LMAN2L: variants seen among roughly 807,000 people sequenced by gnomAD.
LMAN2L encodes the protein lectin, mannose binding 2 like.
LMAN2L carries 30 observed loss-of-function variants against 44.3 expected under a neutral mutation model. The ratio of observed to expected loss-of-function variants is 0.68; its 90% CI spans 0.51 to 0.92. The LOEUF (loss-of-function observed/expected upper bound fraction) is 0.92, where lower values mean the gene tolerates loss of function less well. Among genes scored for constraint, LMAN2L ranks in the 40% least tolerant of loss-of-function variants. The pLI is 0.00. For synonymous variants in LMAN2L, 183 were observed against 171.1 expected, an observed-to-expected ratio of 1.07 and a Z score of -0.54; for missense variants, 429 against 446.1, an observed-to-expected ratio of 0.96 and a Z score of 0.35.
rs1340627581 is a variant in LMAN2L at position 96,707,636 on chromosome 2, C to T, written c.904+78G>A. 10 of 1,525,046 alleles carry T rather than the reference C, an allele frequency of 6.6e-6. No homozygotes were observed. In the African/African-American group the frequency reaches 9.7e-5, roughly 15 times the overall value. 94.5% of individuals were successfully genotyped at this position (1,525,046 alleles called of 1,614,324 possible). A position where few individuals can be genotyped will look rare whatever the true frequency, so the allele number is the denominator to read the frequency against. On this transcript the variant is annotated intron_variant, in intron 7 of 7. Coordinates refer to ENST00000264963, the MANE Select transcript of LMAN2L (RefSeq NM_030805.4). The stretch of plus-strand genomic sequence containing the variant: ...CAGAAGAAGAACACAGAGCAGAGAC[C>T]GCCCTGTGAGCTATGGGTACAGCAC...
intron 4 of LMAN2L, among the ~76,000 whole-genome samples, chr2:96,712,918 C>T (rs767134766): frequency 6.6e-6 from 1 of 152,216 alleles, no homozygotes; most frequent in Non-Finnish European, 1.5e-5. Flanking sequence ...GAAGGGGTAA[C>T]ATGAGGCATG....
Position 96,722,029 on chromosome 2 carries a change from G to A in LMAN2L, c.508-10004C>T, listed in dbSNP as rs184362175. ...GTTGCCCAGGCTGGAATCCAGTGGC[G>A]CGATCTTGGCTCACTGCAAGCTCCG... On this transcript the variant is annotated intron_variant, in intron 4 of 7. Coordinates refer to ENST00000264963, the MANE Select transcript of LMAN2L (RefSeq NM_030805.4). 3.9e-3 allele frequency among the ~76,000 whole-genome samples: 597 copies of A among 151,794 alleles called. 4 individuals carry two copies. The highest frequency in any genetic ancestry group is 7.4e-3 in the Non-Finnish European group (506 of 67,926).
intron 2 of LMAN2L, among the ~76,000 whole-genome samples, chr2:96,735,995 G>T (rs2078507407): frequency 6.6e-6 from 1 of 152,160 alleles, no homozygotes; most frequent in African/African-American, 2.4e-5. Context: ...CTAGGCGACA[G>T]AGTGATGAGA....
chr2:96,734,255 C>A (rs2078466035), intron 3 of LMAN2L, among the ~76,000 whole-genome samples, 154 bp downstream of exon 3: 1 of 152,152 alleles, frequency 6.6e-6, no homozygotes, highest in Non-Finnish European at 1.5e-5. Flanking sequence ...AGGACTCAGA[C>A]CCGTTCTAGA....
chr2:96,730,703 C>T (rs889590703), intron 4 of LMAN2L, among the ~76,000 whole-genome samples: 2 of 151,976 alleles, frequency 1.3e-5, no homozygotes, highest in African/African-American at 4.8e-5. Context: ...GATGGAGTTT[C>T]ACTCTGTCGC....
chr2:96,739,765 C>G (rs989168403), intron 1 of LMAN2L, 89 bp downstream of exon 1: 94 of 1,372,482 alleles, frequency 6.8e-5, no homozygotes, highest in Middle Eastern at 2.2e-4. Context: ...CTCCGGGCCA[C>G]GAAGCCCTTC....
In LMAN2L at chr2:96,740,031, T is replaced by C. The variant is rs775800036; in HGVS notation, c.10A>G (p.Thr4Ala). 83 of 1,604,668 alleles carry C rather than the reference T, an allele frequency of 5.2e-5. No individual in the cohort carries two copies. Among genetic ancestry groups the C allele is most frequent in the Non-Finnish European group, 6.1e-5 (72 of 1,175,812 alleles). Residue 4 changes from threonine to alanine, a missense_variant, in exon 1 of 8, where the codon ACT (threonine) becomes GCT (alanine). Coordinates refer to ENST00000264963, the MANE Select transcript of LMAN2L (RefSeq NM_030805.4). Reference sequence around the variant, plus strand: ...TGCCACGACCCAAGGGGTCCCAGAGTCGCCGCCATCTTTCCCACCAACGAC... The same window carrying C: ...TGCCACGACCCAAGGGGTCCCAGAGCCGCCGCCATCTTTCCCACCAACGAC... MAA[T>A]LGPLGSWQQW...
Position 96,707,493 on chromosome 2 carries a change from C to T in LMAN2L, c.905-95G>A, listed in dbSNP as rs951629178. 2.1e-6 allele frequency: 3 copies of T among 1,410,670 alleles called. No homozygotes were observed. The African/African-American group carries it at 4.3e-5, about 20-fold the overall frequency. 87.4% of individuals were successfully genotyped at this position (1,410,670 alleles called of 1,614,324 possible). ...GCTGTCCGGCCCCCAGTTTCTGACACCTACTTCTGGGAAGCCAGAGCTTAG... is the reference window on the plus strand; with the variant it reads ...GCTGTCCGGCCCCCAGTTTCTGACATCTACTTCTGGGAAGCCAGAGCTTAG... On this transcript the variant is annotated intron_variant, in intron 7 of 7. Transcript: ENST00000264963.
At chr2:96,721,060 C>T (rs1273888723) in intron 4 of LMAN2L, among the ~76,000 whole-genome samples, 4 of 152,094 alleles carry the variant, frequency 2.6e-5, no homozygotes, top group African/African-American at 7.2e-5. Flanking sequence ...ATGATTACCA[C>T]AACCAATTTT....
intron 3 of LMAN2L, 97 bp from the exon 4 acceptor site, chr2:96,733,698 T>A: frequency 1.0e-6 from 1 of 959,872 alleles, no homozygotes; most frequent in East Asian, 2.6e-5. Context: ...AAAATTCAAA[T>A]GACTCCCAAG....
intron 4 of LMAN2L, among the ~76,000 whole-genome samples, chr2:96,726,947 G>C (rs2078284472): frequency 6.6e-6 from 1 of 152,002 alleles, no homozygotes; most frequent in South Asian, 2.1e-4. Context: ...AACCAGGTGT[G>C]GTGGTGCACG....
At chr2:96,720,695 C>T (rs1344449158) in intron 4 of LMAN2L, among the ~76,000 whole-genome samples, 2 of 152,120 alleles carry the variant, frequency 1.3e-5, no homozygotes, top group Non-Finnish European at 2.9e-5. Flanking sequence ...AATCCCAGTG[C>T]TTTGGGAGGC....
chr2:96,726,262 G>GTTT (rs575027037), intron 4 of LMAN2L, among the ~76,000 whole-genome samples: 1 of 149,940 alleles, frequency 6.7e-6, no homozygotes, highest in Admixed American at 6.7e-5. Flanking sequence ...GTTCTAATAG[G>GTTT]TTTTTTTTTG....
At chr2:96,713,381 T>C (rs2077969984) in intron 4 of LMAN2L, among the ~76,000 whole-genome samples, 1 of 152,132 alleles carries the variant, frequency 6.6e-6, no homozygotes, top group African/African-American at 2.4e-5. Flanking sequence ...AGAGGGTCTG[T>C]TACTATATCA....
rs1158838538 is a variant in LMAN2L at position 96,707,642 on chromosome 2, G to C, written c.904+72C>G. 2.6e-6 allele frequency: 4 copies of C among 1,564,708 alleles called. No homozygotes were observed. In the Admixed American group the frequency reaches 7.3e-5, roughly 29 times the overall value. On this transcript the variant is annotated intron_variant, in intron 7 of 7. Coordinates refer to ENST00000264963, the MANE Select transcript of LMAN2L (RefSeq NM_030805.4). ...AAGAACACAGAGCAGAGACCGCCCT[G>C]TGAGCTATGGGTACAGCACTGCAAG...
At position 96,737,983 on chromosome 2, in the gene LMAN2L, A is replaced by C. The variant is rs777455138; in HGVS notation, c.272T>G (p.Met91Arg). 1.2e-6 allele frequency: 2 copies of C among 1,613,828 alleles called. No individual in the cohort carries two copies. The highest frequency in any genetic ancestry group is 2.2e-5 in the South Asian group (2 of 91,074). ...MTQYIRLTPDMQSKQGALWNR... is the reference protein window; with the variant it reads ...MTQYIRLTPDRQSKQGALWNR... Reference sequence around the variant, plus strand: ...CCACAAGGCACCCTGTTTACTTTGCATATCTGGGGTAAGGCGGATATACTG... The same window carrying C: ...CCACAAGGCACCCTGTTTACTTTGCCTATCTGGGGTAAGGCGGATATACTG... Residue 91 changes from methionine (M) to arginine (R), a missense_variant, in exon 2 of 8, where the codon ATG (methionine) becomes AGG (arginine). Physicochemically the swap from Met to Arg is moderately conservative, Grantham distance 91. Coordinates refer to ENST00000264963, the MANE Select transcript of LMAN2L (RefSeq NM_030805.4).
intron 2 of LMAN2L, among the ~76,000 whole-genome samples, chr2:96,736,162 C>A (rs1313390465): frequency 6.6e-6 from 1 of 152,160 alleles, no homozygotes; most frequent in African/African-American, 2.4e-5. Flanking sequence ...CCTCCTACAG[C>A]ACAATGCTAT....
At chr2:96,720,436 T>C (rs899998442) in intron 4 of LMAN2L, among the ~76,000 whole-genome samples, 15 of 152,134 alleles carry the variant, frequency 9.9e-5, no homozygotes, top group African/African-American at 3.1e-4. Flanking sequence ...GATCATCAGC[T>C]GATGACTTGA....
At chr2:96,708,831 G>C (rs1383042067) in intron 6 of LMAN2L, among the ~76,000 whole-genome samples, 1 of 150,408 alleles carries the variant, frequency 6.6e-6, no homozygotes, top group African/African-American at 2.4e-5. Flanking sequence ...TTAGGGACTA[G>C]ATTTCTCTCT....
Sources: allele counts gnomAD v4.1 joint callset (sites outside exome capture counted in the v4.1 genomes callset), GRCh38; gene constraint gnomAD v4.1.1; transcripts MANE v1.5; gene names NCBI Gene and HGNC (gene_info 2026-07-23, HGNC 2026-07-21).